Variants in RPS6KA2 observed in about 807,000 individuals in gnomAD.
The protein encoded by RPS6KA2 is ribosomal protein S6 kinase alpha-2.
A neutral mutation model predicts 91.8 loss-of-function variants in RPS6KA2; 42 were observed. The ratio of observed to expected loss-of-function variants is 0.46; its 90% CI spans 0.36 to 0.59. The LOEUF (loss-of-function observed/expected upper bound fraction) is 0.59. Ranked by LOEUF, RPS6KA2 falls within the 20% of genes least tolerant of loss-of-function variation. The pLI is 0.00. For synonymous variants in RPS6KA2, 414 were observed against 393.6 expected (o/e 1.05, Z -0.61); for missense variants, 798 against 978.5 (o/e 0.82, Z 2.46).
intron 2 of RPS6KA2, among the ~76,000 whole-genome samples, chr6:166,843,658 A>C (rs781637512): frequency 1.3e-5 from 2 of 152,212 alleles, no homozygotes; most frequent in African/African-American, 2.4e-5. Context: ...GGCTAGATCC[A>C]GAAGAGCAAA....
chr6:166,414,674 A>G (rs1778436537), intron 19 of RPS6KA2, among the ~76,000 whole-genome samples: 1 of 152,264 alleles, frequency 6.6e-6, no homozygotes, highest in South Asian at 2.1e-4. Context: ...TGAAGACATT[A>G]CTGCCTGAGG....
At chr6:166,678,243 C>T (rs187239547) in intron 2 of RPS6KA2, among the ~76,000 whole-genome samples, 25 of 152,296 alleles carry the variant, frequency 1.6e-4, no homozygotes, top group African/African-American at 5.3e-4. Context: ...CATTCTTACT[C>T]CAGGTGGGTC....
intron 1 of RPS6KA2, among the ~76,000 whole-genome samples, chr6:166,569,639 A>G (rs1273000812): frequency 4.6e-5 from 7 of 152,314 alleles, no homozygotes; most frequent in Admixed American, 4.6e-4. Context: ...GGCAGGGGCC[A>G]CATCGTAGGC....
rs1162718163 is a variant in RPS6KA2, at chr6:166,857,783, G to A, written c.123+417C>T. On this transcript the variant is annotated intron_variant, in intron 2 of 21. Coordinates refer to the RPS6KA2 transcript ENST00000503859. ...CGGATGGAATCCGCTCTTCTCCCCA[G>A]CTCTGCTGAGCACCTCATCAGACAT... 3.3e-5 allele frequency among the ~76,000 whole-genome samples: 5 copies of A among 152,300 alleles called. No individual in the cohort carries two copies. In the South Asian group the frequency reaches 8.3e-4, roughly 25 times the overall value.
rs1780688778 is a variant in RPS6KA2, at chr6:166,849,622, CAATG to C, written c.123+8574_123+8577del. Among the ~76,000 whole-genome samples, 1 of 152,166 alleles carries C rather than the reference CAATG, an allele frequency of 6.6e-6. No homozygotes were observed. Among genetic ancestry groups the C allele is most frequent in the Non-Finnish European group, 1.5e-5 (1 of 68,038 alleles). ...GTTCATCGTTTCAAGAAGGACATTGCAATGTTTACCCTATTAACTTGGAGATAGG... is the reference window on the plus strand; with the variant it reads ...GTTCATCGTTTCAAGAAGGACATTGCTTTACCCTATTAACTTGGAGATAGG... On this transcript the variant is annotated intron_variant, in intron 2 of 21. Coordinates refer to the RPS6KA2 transcript ENST00000503859. This position sits in a 1 kb window ranked among gnomAD's most constrained non-coding sequence, Gnocchi z 4.9.
intron 1 of RPS6KA2, among the ~76,000 whole-genome samples, chr6:166,577,423 G>C (rs994882557): frequency 6.6e-6 from 1 of 152,212 alleles, no homozygotes; most frequent in African/African-American, 2.4e-5. Flanking sequence ...ACCCTGCAAA[G>C]CCACAGGGGT....
At chr6:166,739,710 TAA>T (rs1790759291) in intron 2 of RPS6KA2, among the ~76,000 whole-genome samples, 2 of 152,252 alleles carry the variant, frequency 1.3e-5, no homozygotes, top group Admixed American at 6.5e-5. Context: ...AGCCTCCGCC[TAA>T]AAGACTCCGG....
intron 10 of RPS6KA2, among the ~76,000 whole-genome samples, chr6:166,481,830 C>G (rs1781231931): frequency 6.6e-6 from 1 of 150,710 alleles, no homozygotes; most frequent in African/African-American, 2.5e-5. Flanking sequence ...GTATACCTCT[C>G]TGATCGATCT....
chr6:166,461,162 A>C (rs1254347801), intron 11 of RPS6KA2, among the ~76,000 whole-genome samples: 1 of 152,186 alleles, frequency 6.6e-6, no homozygotes, highest in Non-Finnish European at 1.5e-5. Context: ...CCATCGGAGG[A>C]GAAACAGGAT....
rs1438861268 is a variant in RPS6KA2 at position 166,459,837 on chromosome 6, T to A, written c.973-286A>T. 6.6e-6 allele frequency among the ~76,000 whole-genome samples: 1 copy of A among 152,212 alleles called. No homozygotes were observed. Among genetic ancestry groups the A allele is most frequent in the African/African-American group, 2.4e-5 (1 of 41,444 alleles). ...GAGGGTTTGGGGACATGCCAAGTGT[T>A]CTTCATTTTAGGGCAATAGTTTTCT... On this transcript the variant is annotated intron_variant, in intron 11 of 20. Transcript: ENST00000265678. The surrounding 1 kb of genome is among the most constrained non-coding windows in gnomAD (Gnocchi z 4.9).
chr6:166,593,809 T>A (rs3778379), intron 1 of RPS6KA2, among the ~76,000 whole-genome samples: 12,392 of 152,106 alleles, frequency 0.081, 689 homozygotes, highest in East Asian at 0.26. Context: ...TCAAACTCAC[T>A]AATACTTAAA....
chr6:166,762,625 A>G (rs1436723546), intron 2 of RPS6KA2, among the ~76,000 whole-genome samples: 2 of 152,190 alleles, frequency 1.3e-5, no homozygotes, highest in Admixed American at 1.3e-4. Context: ...ACGGTCCCTG[A>G]GAGACTCAGC....
intron 1 of RPS6KA2, among the ~76,000 whole-genome samples, chr6:166,565,433 C>T (rs534371329): frequency 5.3e-5 from 8 of 152,366 alleles, no homozygotes; most frequent in South Asian, 2.1e-4. Flanking sequence ...TGCAGGGGTC[C>T]GCCCTCCCTG....
Position 166,825,398 on chromosome 6 carries a change from G to A in RPS6KA2, c.123+32802C>T, listed in dbSNP as rs1411323640. Among the ~76,000 whole-genome samples, 2 of 152,228 alleles carry A rather than the reference G, an allele frequency of 1.3e-5. No individual in the cohort carries two copies. The highest frequency in any genetic ancestry group is 4.8e-5 in the African/African-American group (2 of 41,458). ...GAGTTGAGGAAGAACTCGGGCTTAG[G>A]GGAAGAAATGGAGTTTAGGTGGAAT... On this transcript the variant is annotated intron_variant, in intron 2 of 21. Coordinates refer to the RPS6KA2 transcript ENST00000503859. This position sits in a 1 kb window ranked among gnomAD's most constrained non-coding sequence, Gnocchi z 4.1.
chr6:166,466,634 T>C (rs1378582656), intron 11 of RPS6KA2, among the ~76,000 whole-genome samples: 2 of 152,204 alleles, frequency 1.3e-5, no homozygotes, highest in Admixed American at 1.3e-4. Context: ...GAGGAAGGAC[T>C]AGAGTGTGAG....
chr6:166,823,823 C>G (rs187347309), intron 2 of RPS6KA2, among the ~76,000 whole-genome samples: 15 of 152,264 alleles, frequency 9.9e-5, no homozygotes, highest in Admixed American at 3.9e-4. Flanking sequence ...CAATTTATCC[C>G]CATTCAACTG....
intron 1 of RPS6KA2, among the ~76,000 whole-genome samples, chr6:166,586,952 AG>A (rs2128519396): frequency 6.6e-6 from 1 of 152,318 alleles, no homozygotes; most frequent in East Asian, 1.9e-4. Context: ...TCATGTGACT[AG>A]CCCTGGCCAA....
chr6:166,593,610 G>A (rs778121809), intron 1 of RPS6KA2, among the ~76,000 whole-genome samples: 4 of 152,126 alleles, frequency 2.6e-5, no homozygotes, highest in Non-Finnish European at 4.4e-5. Flanking sequence ...TAAAATTGAC[G>A]TGCGTCAAAA....
At chr6:166,512,561 G>A (rs1782507102) in intron 3 of RPS6KA2, among the ~76,000 whole-genome samples, 1 of 152,206 alleles carries the variant, frequency 6.6e-6, no homozygotes, top group South Asian at 2.1e-4. Context: ...CTAGGATTCA[G>A]GCTGTCTGAA....
Sources: gnomAD v4.1 joint callset for allele counts (sites outside exome capture counted in the v4.1 genomes callset) on GRCh38, gnomAD v4.1.1 for gene constraint, Gnocchi (gnomAD v3.1) non-coding constraint, MANE v1.5 for transcripts, NCBI Gene and HGNC (gene_info 2026-07-23, HGNC 2026-07-21) for gene names.